Variants in TNKS observed in about 807,000 individuals in gnomAD.
TNKS encodes the protein tankyrase.
A neutral mutation model predicts 135.8 loss-of-function variants in TNKS; 72 were observed. The observed-to-expected ratio is 0.53, with a 90% confidence interval of 0.44 to 0.64. The LOEUF (loss-of-function observed/expected upper bound fraction) is 0.64. Ranked by LOEUF, TNKS falls within the 30% of genes least tolerant of loss-of-function variation. TNKS has a pLI of 0.00. For missense variants in TNKS, 1,769 were observed against 1,674.0 expected (o/e 1.06, Z -0.99); for synonymous variants, 849 against 649.3 (o/e 1.31, Z -4.68).
At chr8:9,751,919 T>A (rs1238709798) in intron 19 of TNKS, 73 bp downstream of exon 19, 1 of 1,379,998 alleles carries the variant, frequency 7.2e-7, no homozygotes, top group Non-Finnish European at 1.0e-6. Context: ...TTTCTATTGA[T>A]AACTATTGAA....
At chr8:9,662,086 AAAC>A (rs1203254415) in intron 3 of TNKS, among the ~76,000 whole-genome samples, 1 of 152,222 alleles carries the variant, frequency 6.6e-6, no homozygotes, top group Admixed American at 6.5e-5. Context: ...AGAAGTCAGG[AAAC>A]AACAGGTGCT....
At chr8:9,675,822 C>CA (rs1802508873) in intron 3 of TNKS, among the ~76,000 whole-genome samples, 1 of 152,040 alleles carries the variant, frequency 6.6e-6, no homozygotes, top group South Asian at 2.1e-4. Context: ...AAACCTAAGA[C>CA]AATCTGTTTA....
intron 1 of TNKS, among the ~76,000 whole-genome samples, chr8:9,576,688 CTTCAACACATGGGGA>C (rs1214943752): frequency 6.6e-6 from 1 of 152,028 alleles, no homozygotes; most frequent in Non-Finnish European, 1.5e-5. Flanking sequence ...CAGGCCCCTC[CTTCAACACATGGGGA>C]TTCCAATTCA....
At chr8:9,626,006 T>G (rs1224042730) in intron 3 of TNKS, among the ~76,000 whole-genome samples, 4 of 152,196 alleles carry the variant, frequency 2.6e-5, no homozygotes, top group African/African-American at 9.6e-5. Flanking sequence ...GTAGTGAAGT[T>G]TCTAACTATA....
chr8:9,651,980 C>G (rs1014852462), intron 3 of TNKS, among the ~76,000 whole-genome samples: 2 of 152,110 alleles, frequency 1.3e-5, no homozygotes, highest in African/African-American at 4.8e-5. Flanking sequence ...ATGCCACAAT[C>G]AATATGCGTT....
intron 1 of TNKS, among the ~76,000 whole-genome samples, chr8:9,560,858 TAA>T (rs201367772): frequency 6.7e-6 from 1 of 149,432 alleles, no homozygotes; most frequent in East Asian, 2.0e-4. Context: ...GGTACCTCTT[TAA>T]AAAAAAAAGT....
chr8:9,595,420 T>C (rs987029084), intron 2 of TNKS, among the ~76,000 whole-genome samples: 2 of 152,152 alleles, frequency 1.3e-5, no homozygotes, highest in African/African-American at 4.8e-5. Context: ...TGACACTGAG[T>C]ACTCTTAACG....
intron 20 of TNKS, among the ~76,000 whole-genome samples, chr8:9,756,072 T>G (rs1027148442): frequency 1.3e-5 from 2 of 152,196 alleles, no homozygotes; most frequent in African/African-American, 4.8e-5. Flanking sequence ...AAAGACAGAT[T>G]TTATTTACAC....
chr8:9,582,414 A>C (rs1798200326), intron 2 of TNKS, among the ~76,000 whole-genome samples: 1 of 152,186 alleles, frequency 6.6e-6, no homozygotes, highest in Admixed American at 6.5e-5. Flanking sequence ...TAGATGATGA[A>C]ATACTGGCCT....
At chr8:9,594,187 A>G (rs1336135631) in intron 2 of TNKS, among the ~76,000 whole-genome samples, 3 of 152,108 alleles carry the variant, frequency 2.0e-5, no homozygotes, top group African/African-American at 7.2e-5. Flanking sequence ...GCGCCCGGCT[A>G]TCTCCTGTTA....
chr8:9,770,183 C>A lies in TNKS; in HGVS notation c.3818C>A (p.Pro1273Gln), dbSNP rs771684892. ...FSTMKMAHAPPGHHSVIGRPS... is the reference protein window; with the variant it reads ...FSTMKMAHAPQGHHSVIGRPS... ...ACCATGAAAATGGCCCACGCGCCTC[C>A]AGGGCACCACTCAGTCATTGGTAGA... is the stretch of plus-strand genomic sequence containing the variant. Residue 1273 changes from proline to glutamine, a missense_variant, in exon 26 of 27, where the codon CCA (proline) becomes CAA (glutamine). By Grantham distance (76) the Pro-to-Gln change is moderately conservative. Coordinates refer to ENST00000310430, the MANE Select transcript of TNKS (RefSeq NM_003747.3). The A allele has an allele frequency of 6.2e-7, 1 of 1,613,452 alleles. No homozygotes were observed. The highest frequency in any genetic ancestry group is 1.7e-5 in the Admixed American group (1 of 60,022).
chr8:9,654,763 G>A (rs1384697017), intron 3 of TNKS, among the ~76,000 whole-genome samples: 1 of 152,150 alleles, frequency 6.6e-6, no homozygotes, highest in Non-Finnish European at 1.5e-5. Context: ...ATCTACTTGG[G>A]GGTGGAGCCA....
At chr8:9,636,035 A>G (rs1257909998) in intron 3 of TNKS, among the ~76,000 whole-genome samples, 5 of 152,328 alleles carry the variant, frequency 3.3e-5, no homozygotes, top group African/African-American at 1.2e-4. Flanking sequence ...TTACATGAAA[A>G]AAGTATTGTT....
chr8:9,608,450 C>T (rs1799318805), intron 2 of TNKS, among the ~76,000 whole-genome samples: 1 of 151,246 alleles, frequency 6.6e-6, no homozygotes, highest in Admixed American at 6.6e-5. Flanking sequence ...TTTTTAGGTT[C>T]TCTTTACTTT....
chr8:9,591,323 C>A (rs1252073899), intron 2 of TNKS, among the ~76,000 whole-genome samples: 2 of 152,028 alleles, frequency 1.3e-5, no homozygotes, highest in Admixed American at 1.3e-4. Flanking sequence ...TATGGTGTTT[C>A]ATTGTATGGA....
In TNKS at chr8:9,556,174, C is replaced by A; in HGVS notation, c.235C>A (p.Arg79=). The A allele has an allele frequency of 6.2e-7, 1 of 1,612,278 alleles. No homozygotes were observed. The highest frequency in any genetic ancestry group is 1.1e-5 in the South Asian group (1 of 90,990). The change falls in exon 1 of 27, where the codon CGA becomes AGA. Residue 79 remains arginine, a synonymous_variant. Coordinates refer to ENST00000310430, the MANE Select transcript of TNKS (RefSeq NM_003747.3). The part of the protein sequence containing the change: ...DGSRDPPDRP[R]SPDPVDGTSC... ...CAGTCGGGATCCGCCCGACAGGCCC[C>A]GATCCCCGGACCCGGTTGACGGTAC...
intron 3 of TNKS, among the ~76,000 whole-genome samples, chr8:9,628,995 C>A (rs1053511359): frequency 6.6e-6 from 1 of 152,174 alleles, no homozygotes; most frequent in Non-Finnish European, 1.5e-5. Context: ...TTCAGTTCAT[C>A]ATCCAGTTTT....
In TNKS at chr8:9,780,748, T is replaced by C. The variant is rs1335808367; in HGVS notation, c.*4012T>C. 1 of 152,216 alleles carries C rather than the reference T, an allele frequency of 6.6e-6. No individual in the cohort carries two copies. Among genetic ancestry groups the C allele is most frequent in the Non-Finnish European group, 1.5e-5 (1 of 68,034 alleles). 9.4% of individuals were successfully genotyped at this position (152,216 alleles called of 1,614,324 possible). A position where few individuals can be genotyped will look rare whatever the true frequency, so the allele number is the denominator to read the frequency against. ...GAAAGGTGTGTCAGTGAGTCGGCCATGTCTCCATGTGTTTCAGACCTGTTC... is the reference window on the plus strand; with the variant it reads ...GAAAGGTGTGTCAGTGAGTCGGCCACGTCTCCATGTGTTTCAGACCTGTTC... On this transcript the variant is annotated 3_prime_UTR_variant, in exon 27 of 27. Transcript: ENST00000310430.
At chr8:9,626,815 T>A (rs1800074007) in intron 3 of TNKS, among the ~76,000 whole-genome samples, 2 of 152,212 alleles carry the variant, frequency 1.3e-5, no homozygotes, top group Admixed American at 1.3e-4. Context: ...GCTATAGTAT[T>A]TATTAATCGC....
Sources: gnomAD v4.1 joint callset for allele counts (sites outside exome capture counted in the v4.1 genomes callset) on GRCh38, gnomAD v4.1.1 for gene constraint, MANE v1.5 for transcripts, NCBI Gene and HGNC (gene_info 2026-07-23, HGNC 2026-07-21) for gene names.